UNC13C: variants seen among roughly 807,000 people sequenced by gnomAD.
UNC13C encodes unc-13 homolog C, also known as protein unc-13 homolog C.
A neutral mutation model predicts 245.4 loss-of-function variants in UNC13C; 174 were observed. The ratio of observed to expected loss-of-function variants is 0.71; its 90% confidence interval spans 0.63 to 0.80. The LOEUF is 0.80. Among genes scored for constraint, UNC13C ranks in the 30% least tolerant of loss-of-function variants. The pLI, the probability that UNC13C is intolerant of heterozygous loss-of-function variation, is 0.00. For synonymous variants in UNC13C, 992 were observed against 895.1 expected (o/e 1.11, Z -1.93); for missense variants, 2,829 against 2,602.9 (o/e 1.09, Z -1.89).
At chr15:54,537,512 G>T (rs1450949069) in intron 26 of UNC13C, among the ~76,000 whole-genome samples, 2 of 151,856 alleles carry the variant, frequency 1.3e-5, no homozygotes, top group African/African-American at 4.8e-5. Flanking sequence ...CCAAAAAAGA[G>T]TCTGAATAGT....
At chr15:54,323,093 A>G (rs1236286681) in intron 14 of UNC13C, among the ~76,000 whole-genome samples, 1 of 151,674 alleles carries the variant, frequency 6.6e-6, no homozygotes, top group African/African-American at 2.4e-5. Flanking sequence ...CTGCACTTCC[A>G]ATTTAGTTTA....
chr15:54,067,639 C>T (rs1033667708), intron 2 of UNC13C, among the ~76,000 whole-genome samples: 1 of 152,084 alleles, frequency 6.6e-6, no homozygotes, highest in Non-Finnish European at 1.5e-5. Flanking sequence ...TTTATGAGTA[C>T]CTATTGTACA....
intron 10 of UNC13C, among the ~76,000 whole-genome samples, chr15:54,273,039 A>G (rs2140903662): frequency 6.6e-6 from 1 of 152,306 alleles, no homozygotes; most frequent in East Asian, 1.9e-4. Flanking sequence ...CCAGATCTTT[A>G]GGGAGCAGTT....
At chr15:54,335,488 C>T (rs769793944) in intron 16 of UNC13C, among the ~76,000 whole-genome samples, 43 of 152,056 alleles carry the variant, frequency 2.8e-4, no homozygotes, top group Non-Finnish European at 8.8e-5. Flanking sequence ...CATATAACCA[C>T]CAGAGCAATA....
At chr15:54,137,128 C>G (rs2031778707) in intron 2 of UNC13C, among the ~76,000 whole-genome samples, 1 of 152,228 alleles carries the variant, frequency 6.6e-6, no homozygotes, top group Non-Finnish European at 1.5e-5. Context: ...GCATGAGCCA[C>G]TGCACTCAGC....
At chr15:54,320,829 G>C (rs1027535289) in intron 13 of UNC13C, 19 of 319,922 alleles carry the variant, frequency 5.9e-5, no homozygotes, top group Non-Finnish European at 1.1e-4. Context: ...ACAGGAACTA[G>C]AGCTTCTGCC....
At chr15:54,386,098 G>A (rs73417766) in intron 17 of UNC13C, among the ~76,000 whole-genome samples, 4 of 152,188 alleles carry the variant, frequency 2.6e-5, no homozygotes, top group Admixed American at 2.6e-4. Context: ...AATGTGAGGT[G>A]ATGGTTGCCG....
intron 13 of UNC13C, among the ~76,000 whole-genome samples, chr15:54,319,130 T>C (rs2038084297): frequency 6.6e-6 from 1 of 151,896 alleles, no homozygotes; most frequent in South Asian, 2.1e-4. Flanking sequence ...CCCCTTGTTT[T>C]TGAGTGTCCT....
chr15:54,066,826 G>A (rs12437472), intron 2 of UNC13C, among the ~76,000 whole-genome samples: 149,496 of 152,284 alleles, frequency 0.98, 73,451 homozygotes, highest in Middle Eastern at 1. Context: ...ATCTGGTTTT[G>A]TCCAGCATGA....
chr15:53,919,346 T>C, the UNC13C span, among the ~76,000 whole-genome samples: 1 of 152,242 alleles, frequency 6.6e-6, no homozygotes, highest in Non-Finnish European at 1.5e-5. Context: ...GTTATTGGCA[T>C]GAATAACAGA....
chr15:54,542,706 A>G (rs945750656), intron 26 of UNC13C, among the ~76,000 whole-genome samples: 2 of 152,032 alleles, frequency 1.3e-5, no homozygotes, highest in African/African-American at 4.8e-5. Flanking sequence ...ATATATATTT[A>G]TATTAGTTAG....
the UNC13C span, among the ~76,000 whole-genome samples, chr15:53,955,510 A>G: frequency 6.6e-6 from 1 of 152,224 alleles, no homozygotes; most frequent in African/African-American, 2.4e-5. Flanking sequence ...GATGTAGGTA[A>G]TTAGAGCAAT....
intron 4 of UNC13C, among the ~76,000 whole-genome samples, chr15:54,213,199 C>T (rs2034939920): frequency 6.6e-6 from 1 of 151,910 alleles, no homozygotes; most frequent in African/African-American, 2.4e-5. Context: ...TATATTGAAG[C>T]ATTAGGTTAT....
chr15:54,332,901 A>C (rs1216409686), intron 15 of UNC13C, among the ~76,000 whole-genome samples: 1 of 151,972 alleles, frequency 6.6e-6, no homozygotes, highest in East Asian at 1.9e-4. Flanking sequence ...TGGAAGTTAT[A>C]ATACCAAATT....
Position 54,420,337 on chromosome 15 carries a change from A to C in UNC13C, c.4933+5270A>C, listed in dbSNP as rs183891178. Among the ~76,000 whole-genome samples, 278 of 152,176 alleles carry C rather than the reference A, an allele frequency of 1.8e-3. 1 individual carries two copies. Among genetic ancestry groups the C allele is most frequent in the Non-Finnish European group, 3.1e-3 (213 of 67,998 alleles). ...AGTTGTTCTCAGCATGGACCTCTCC[A>C]CAAACTCCTTGACCATCTCCAAGAT... On this transcript the variant is annotated intron_variant, in intron 19 of 32. Transcript: ENST00000260323.
At chr15:54,146,594 A>G (rs1005783930) in intron 4 of UNC13C, among the ~76,000 whole-genome samples, 1 of 152,220 alleles carries the variant, frequency 6.6e-6, no homozygotes, top group African/African-American at 2.4e-5. Context: ...AGGGACAGAG[A>G]AGAGGTGACA....
At chr15:54,060,952 C>T (rs1020085954) in intron 2 of UNC13C, among the ~76,000 whole-genome samples, 85 of 152,030 alleles carry the variant, frequency 5.6e-4, no homozygotes, top group African/African-American at 1.9e-3. Flanking sequence ...GAACATCACA[C>T]ACCGGGGACT....
chr15:54,273,088 G>T (rs1041602469), intron 10 of UNC13C, among the ~76,000 whole-genome samples: 1 of 152,164 alleles, frequency 6.6e-6, no homozygotes, highest in African/African-American at 2.4e-5. Flanking sequence ...AAAAAGGACT[G>T]TTCTGCAGGA....
At chr15:54,526,029 G>T (rs1895440731) in intron 25 of UNC13C, among the ~76,000 whole-genome samples, 1 of 152,156 alleles carries the variant, frequency 6.6e-6, no homozygotes, top group Admixed American at 6.5e-5. Context: ...TATATAAGAA[G>T]TATGAGTTGT....
Sources: allele counts gnomAD v4.1 joint callset (sites outside exome capture counted in the v4.1 genomes callset), GRCh38; gene constraint gnomAD v4.1.1; transcripts MANE v1.5; gene names NCBI Gene and HGNC (gene_info 2026-07-23, HGNC 2026-07-21).